MCF2L2: variants seen among roughly 807,000 people sequenced by gnomAD.
MCF2L2 encodes MCF.2 cell line derived transforming sequence-like 2, also known as probable guanine nucleotide exchange factor MCF2L2.
In MCF2L2, 102 loss-of-function variants were observed where a neutral mutation model predicts 150.2. That is an observed-to-expected ratio of 0.68 (90% CI 0.58 to 0.80). MCF2L2 has a LOEUF of 0.80. Among genes scored for constraint, MCF2L2 ranks in the 30% least tolerant of loss-of-function variants. MCF2L2 has a pLI of 0.00. For missense variants in MCF2L2, 1,256 were observed against 1,372.8 expected, an observed-to-expected ratio of 0.91 and a Z score of 1.34; for synonymous variants, 465 against 491.3, an observed-to-expected ratio of 0.95 and a Z score of 0.71.
chr3:183,264,982 TC>T (rs1401856926), intron 15 of MCF2L2, among the ~76,000 whole-genome samples: 2 of 152,220 alleles, frequency 1.3e-5, no homozygotes, highest in Non-Finnish European at 2.9e-5. Flanking sequence ...TGTCCCTTCT[TC>T]TCAGTCCAAA....
intron 15 of MCF2L2, among the ~76,000 whole-genome samples, chr3:183,252,934 A>G (rs1724633698): frequency 6.6e-6 from 1 of 152,192 alleles, no homozygotes; most frequent in Non-Finnish European, 1.5e-5. Flanking sequence ...AGAAGTCCGC[A>G]TCTCTCGATA....
At chr3:183,231,226 GA>G (rs778717519) in intron 15 of MCF2L2, 1 of 660,712 alleles carries the variant, frequency 1.5e-6, no homozygotes, top group South Asian at 1.5e-5. Context: ...GTATCAAGAA[GA>G]AACAGCAAGG....
intron 14 of MCF2L2, among the ~76,000 whole-genome samples, chr3:183,279,236 C>T (rs56863775): frequency 0.026 from 3,886 of 151,750 alleles, 170 homozygotes; most frequent in African/African-American, 0.087. Flanking sequence ...TTTTTATTTG[C>T]TTAATTTTTT....
At position 183,428,121 on chromosome 3, in the gene MCF2L2, C is replaced by G; in HGVS notation, c.-144G>C. ...CTCTCCAGGCAAGAAACGAGAGTCCCTCGCAGCCTAGGCCAGCTCTCCCTC... is the reference window on the plus strand; with the variant it reads ...CTCTCCAGGCAAGAAACGAGAGTCCGTCGCAGCCTAGGCCAGCTCTCCCTC... On this transcript the variant is annotated 5_prime_UTR_variant, in exon 1 of 30. Transcript: ENST00000328913. The surrounding 1 kb of genome is among the most constrained non-coding windows in gnomAD (Gnocchi z 5.1). 3.0e-6 allele frequency: 2 copies of G among 664,664 alleles called. No individual in the cohort carries two copies. The highest frequency in any genetic ancestry group is 3.5e-5 in the South Asian group (2 of 57,054). 41.2% of individuals were successfully genotyped at this position (664,664 alleles called of 1,614,324 possible).
chr3:183,204,828 G>A (rs1041706202), intron 25 of MCF2L2, among the ~76,000 whole-genome samples: 2 of 152,036 alleles, frequency 1.3e-5, no homozygotes, highest in Admixed American at 6.6e-5. Context: ...GCCATAAAAA[G>A]GTATGAAGTA....
intron 15 of MCF2L2, chr3:183,231,222 A>G (rs1481257872): frequency 1.5e-6 from 1 of 664,850 alleles, no homozygotes; most frequent in South Asian, 1.5e-5. Context: ...ACTGGTATCA[A>G]GAAGAAACAG....
In MCF2L2 at chr3:183,379,349, T is replaced by C. The variant is rs975504370; in HGVS notation, c.223A>G (p.Ile75Val). ...ACATTCAGGAAGTCTTCATCTGGGA[T>C]GTGTTTGAACCCCGAAAACTCTGGG... ...TFPEFSGFKHIPDEDFLNVMT... is the reference protein window; with the variant it reads ...TFPEFSGFKHVPDEDFLNVMT... The change falls in exon 3 of 30, where the codon ATC becomes GTC. Residue 75 changes from isoleucine (I) to valine (V), a missense_variant. Ile to Val is a conservative substitution (Grantham distance 29). Transcript: ENST00000328913. The C allele has an allele frequency of 2.5e-6, 4 of 1,610,958 alleles. No homozygotes were observed. The highest frequency in any genetic ancestry group is 1.1e-5 in the South Asian group (1 of 90,358).
intron 15 of MCF2L2, chr3:183,273,045 T>TA: frequency 1.3e-6 from 2 of 1,491,564 alleles, no homozygotes; most frequent in Non-Finnish European, 1.8e-6. Context: ...CACACTTACT[T>TA]AAAGTACTGA....
chr3:183,295,574 C>T, intron 12 of MCF2L2, 97 bp from the exon 13 acceptor site: 1 of 1,203,074 alleles, frequency 8.3e-7, no homozygotes, highest in Non-Finnish European at 1.2e-6. Flanking sequence ...CTACTCCCCC[C>T]ATCCCTACCT....
chr3:183,394,993 A>C (rs1176390124), intron 1 of MCF2L2, among the ~76,000 whole-genome samples: 3 of 152,202 alleles, frequency 2.0e-5, no homozygotes, highest in Non-Finnish European at 4.4e-5. Context: ...TTTAATCCTT[A>C]AATCTACTCT....
At chr3:183,257,489 C>T (rs1725151757) in intron 15 of MCF2L2, among the ~76,000 whole-genome samples, 1 of 152,160 alleles carries the variant, frequency 6.6e-6, no homozygotes, top group Non-Finnish European at 1.5e-5. Context: ...TACGTATTAA[C>T]CTACTTTCAG....
intron 5 of MCF2L2, among the ~76,000 whole-genome samples, chr3:183,329,336 C>A (rs60592763): frequency 0.031 from 4,649 of 152,228 alleles, 250 homozygotes; most frequent in African/African-American, 0.11. Flanking sequence ...TACAGGCACA[C>A]CCACCATGCC....
At chr3:183,375,457 A>G (rs915908675) in intron 3 of MCF2L2, 1 of 152,052 alleles carries the variant, frequency 6.6e-6, no homozygotes, top group Non-Finnish European at 1.5e-5. Context: ...CTGAGCTCCT[A>G]TAGCACTTTG....
At chr3:183,376,917 A>G (rs555361775) in intron 3 of MCF2L2, 7 of 152,336 alleles carry the variant, frequency 4.6e-5, no homozygotes, top group African/African-American at 7.2e-5. Flanking sequence ...TGTCTTTCAC[A>G]TAGGAATTCC....
At chr3:183,266,539 C>T (rs1726140075) in intron 15 of MCF2L2, among the ~76,000 whole-genome samples, 1 of 152,160 alleles carries the variant, frequency 6.6e-6, no homozygotes, top group South Asian at 2.1e-4. Context: ...GCCAGAGGGC[C>T]CTTGTTTTGG....
intron 10 of MCF2L2, among the ~76,000 whole-genome samples, chr3:183,300,511 C>T (rs1384691231): frequency 1.3e-5 from 2 of 152,160 alleles, no homozygotes; most frequent in Middle Eastern, 3.2e-3. Flanking sequence ...AACTAAATTA[C>T]ACAAATCGTT....
At chr3:183,292,476 G>A (rs960317843) in intron 13 of MCF2L2, among the ~76,000 whole-genome samples, 35 of 151,706 alleles carry the variant, frequency 2.3e-4, no homozygotes, top group African/African-American at 4.6e-4. Flanking sequence ...TCTTTATTCC[G>A]AAGAGAAATG....
chr3:183,183,351 T>C (rs1721593833), intron 27 of MCF2L2, among the ~76,000 whole-genome samples: 1 of 152,206 alleles, frequency 6.6e-6, no homozygotes, highest in Non-Finnish European at 1.5e-5. Flanking sequence ...CCCTGCTGGA[T>C]TCACTGGTCA....
chr3:183,191,903 TGATCTC>T (rs1230425787), intron 27 of MCF2L2, among the ~76,000 whole-genome samples: 16 of 149,830 alleles, frequency 1.1e-4, no homozygotes, highest in Admixed American at 1.1e-3. Context: ...TGCAGTGGCG[TGATCTC>T]GGCTCACTGC....
Sources: allele counts gnomAD v4.1 joint callset (sites outside exome capture counted in the v4.1 genomes callset), GRCh38; gene constraint gnomAD v4.1.1; non-coding constraint Gnocchi (gnomAD v3.1); transcripts MANE v1.5; gene names NCBI Gene and HGNC (gene_info 2026-07-23, HGNC 2026-07-21).